The following ROBO1 variants were observed in gnomAD, a reference collection of about 807,000 sequenced individuals.
The protein encoded by ROBO1 is roundabout homolog 1.
A neutral mutation model predicts 195.9 loss-of-function variants in ROBO1; 149 were observed. That is an observed-to-expected ratio of 0.76 (90% CI 0.67 to 0.87). The LOEUF (loss-of-function observed/expected upper bound fraction) is 0.87, where lower values mean the gene tolerates loss of function less well. ROBO1 is among the 40% of genes least tolerant of loss of function. ROBO1 has a pLI of 0.00. For missense variants in ROBO1, 1,933 were observed against 2,068.3 expected, an observed-to-expected ratio of 0.93 and a Z score of 1.27; for synonymous variants, 816 against 733.2, an observed-to-expected ratio of 1.11 and a Z score of -1.82.
intron 2 of ROBO1, among the ~76,000 whole-genome samples, chr3:79,559,180 G>A (rs1023234192): frequency 2.0e-5 from 3 of 152,158 alleles, no homozygotes; most frequent in African/African-American, 7.2e-5. Flanking sequence ...GTCAGCTGAT[G>A]TACCGACTTA....
At chr3:79,688,410 A>G (rs2107051758) in intron 1 of ROBO1, among the ~76,000 whole-genome samples, 1 of 152,222 alleles carries the variant, frequency 6.6e-6, no homozygotes, top group East Asian at 1.9e-4. Context: ...ACATTCAGCC[A>G]TTGCTCTTAA....
intron 2 of ROBO1, among the ~76,000 whole-genome samples, chr3:79,548,280 G>A (rs558510558): frequency 1.5e-3 from 225 of 152,246 alleles, no homozygotes; most frequent in African/African-American, 5.1e-3. Context: ...TGATCCTTTT[G>A]GAAAAGTTCC....
At chr3:78,797,328 T>C (rs1294111815) in intron 4 of ROBO1, among the ~76,000 whole-genome samples, 1 of 152,228 alleles carries the variant, frequency 6.6e-6, no homozygotes, top group Non-Finnish European at 1.5e-5. Context: ...TTGTTTACAT[T>C]ACTTGGTATT....
chr3:79,269,045 A>G lies in ROBO1; in HGVS notation c.89-143506T>C, dbSNP rs182388464. Among the ~76,000 whole-genome samples the G allele has an allele frequency of 2.6e-5, 4 of 151,836 alleles. No homozygotes were observed. The East Asian group carries it at 7.8e-4, about 29-fold the overall frequency. ...CTTTCCAGAGGGTTGCATTTGTTCA[A>G]TAATACTCTAGCCAGTCAGTGGGAG... is the stretch of plus-strand genomic sequence containing the variant. On this transcript the variant is annotated intron_variant, in intron 2 of 30. Transcript: ENST00000464233.
intron 2 of ROBO1, among the ~76,000 whole-genome samples, chr3:79,362,288 C>A (rs2035801230): frequency 6.6e-6 from 1 of 152,046 alleles, no homozygotes; most frequent in African/African-American, 2.4e-5. Context: ...TTTTCAGTGT[C>A]AGGATGTGCT....
chr3:79,575,187 T>TATATATAAATATATATAAC (rs1560007267), intron 2 of ROBO1, among the ~76,000 whole-genome samples: 12,908 of 112,962 alleles, frequency 0.11, 1,316 homozygotes, highest in African/African-American at 0.16. Context: ...ATATATAACA[T>TATATATAAATATATATAAC]ATATATAAAT....
At chr3:79,376,614 G>T (rs2036395050) in intron 2 of ROBO1, among the ~76,000 whole-genome samples, 1 of 151,988 alleles carries the variant, frequency 6.6e-6, no homozygotes, top group Admixed American at 6.6e-5. Context: ...ACGCTTTCTT[G>T]CCTGCCACCA....
At chr3:79,035,926 A>T (rs1272504912) in intron 3 of ROBO1, among the ~76,000 whole-genome samples, 1 of 152,140 alleles carries the variant, frequency 6.6e-6, no homozygotes, top group Admixed American at 6.5e-5. Context: ...AAGCATCTCA[A>T]GTTATTTAGA....
intron 3 of ROBO1, among the ~76,000 whole-genome samples, chr3:78,961,087 A>G (rs949754188): frequency 1.3e-5 from 2 of 152,134 alleles, no homozygotes; most frequent in African/African-American, 4.8e-5. Flanking sequence ...TTTAACTGCA[A>G]TTTACAGAAA....
chr3:78,993,983 C>T (rs1404633018), intron 3 of ROBO1, among the ~76,000 whole-genome samples: 1 of 151,004 alleles, frequency 6.6e-6, no homozygotes, highest in Admixed American at 6.6e-5. Flanking sequence ...TTACTAGATA[C>T]CAGCTTTAAA....
At chr3:78,948,878 G>C (rs1019169133) in intron 3 of ROBO1, among the ~76,000 whole-genome samples, 32 of 152,048 alleles carry the variant, frequency 2.1e-4, no homozygotes, top group Non-Finnish European at 3.2e-4. Context: ...CAGACAAACA[G>C]AGAGCCAAAT....
rs28687505 is a variant in ROBO1, at chr3:79,469,224, G to A, written c.88+120600C>T. Among the ~76,000 whole-genome samples, 423 of 152,176 alleles carry A rather than the reference G, an allele frequency of 2.8e-3. 1 individual carries two copies. The highest frequency in any genetic ancestry group is 4.3e-3 in the Non-Finnish European group (295 of 67,990). The stretch of plus-strand genomic sequence containing the variant: ...AAAGAGTGAGTATGTAAGTTATCAA[G>A]AAAGTTATTAGAAATTATAGAATCA... On this transcript the variant is annotated intron_variant, in intron 2 of 30. Coordinates refer to ENST00000464233, the MANE Select transcript of ROBO1 (RefSeq NM_002941.4).
At position 79,500,350 on chromosome 3, in the gene ROBO1, G is replaced by A. The variant is rs558094035; in HGVS notation, c.88+89474C>T. Among the ~76,000 whole-genome samples the A allele has an allele frequency of 4.6e-5, 7 of 151,634 alleles. No homozygotes were observed. In the South Asian group the frequency reaches 8.4e-4, roughly 18 times the overall value. ...TCACCATGTTGGCCAGGCTGGTCTC[G>A]AACTCCTGACCTCAGGTGATCCACC... On this transcript the variant is annotated intron_variant, in intron 2 of 30. Coordinates refer to ENST00000464233, the MANE Select transcript of ROBO1 (RefSeq NM_002941.4).
intron 30 of ROBO1, 27 bp downstream of exon 30, chr3:78,600,086 G>A (rs1703079703): frequency 6.3e-7 from 1 of 1,576,882 alleles, no homozygotes; most frequent in South Asian, 1.1e-5. Context: ...TCTAACATTG[G>A]TAAACTTGGG....
intron 1 of ROBO1, among the ~76,000 whole-genome samples, chr3:79,606,783 T>C (rs945088629): frequency 6.6e-6 from 1 of 151,942 alleles, no homozygotes; most frequent in Non-Finnish European, 1.5e-5. Flanking sequence ...ATTATATTTT[T>C]CAAGGTCTAA....
intron 1 of ROBO1, among the ~76,000 whole-genome samples, chr3:79,620,042 C>T (rs1413647705): frequency 1.3e-5 from 2 of 152,196 alleles, no homozygotes; most frequent in African/African-American, 4.8e-5. Flanking sequence ...ACCTAAGATG[C>T]AATGGTTAGG....
intron 2 of ROBO1, among the ~76,000 whole-genome samples, chr3:79,424,803 A>G (rs1420063090): frequency 2.0e-5 from 3 of 152,234 alleles, no homozygotes; most frequent in South Asian, 4.1e-4. Flanking sequence ...TTTTGTGAAG[A>G]TACGTTGGGC....
chr3:78,699,229 T>C (rs189936105), intron 8 of ROBO1, among the ~76,000 whole-genome samples: 1 of 152,042 alleles, frequency 6.6e-6, no homozygotes, highest in Admixed American at 6.6e-5. Context: ...AATCTTATGA[T>C]GTAGTCAGAG....
chr3:79,708,856 G>A (rs909631019), intron 1 of ROBO1, among the ~76,000 whole-genome samples: 2 of 152,132 alleles, frequency 1.3e-5, no homozygotes, highest in African/African-American at 4.8e-5. Flanking sequence ...AACAGAGCGA[G>A]TCCTTGTCTC....
Sources: allele counts gnomAD v4.1 joint callset (sites outside exome capture counted in the v4.1 genomes callset), GRCh38; gene constraint gnomAD v4.1.1; transcripts MANE v1.5; gene names NCBI Gene and HGNC (gene_info 2026-07-23, HGNC 2026-07-21).